CTDP1: variants seen among roughly 807,000 people sequenced by gnomAD.
The protein encoded by CTDP1 is RNA polymerase II subunit A C-terminal domain phosphatase.
In CTDP1, 47 loss-of-function variants were observed where a neutral mutation model predicts 91.8. That is an observed-to-expected ratio of 0.51 (90% confidence interval 0.41 to 0.65). CTDP1 has a LOEUF of 0.65. Among genes scored for constraint, CTDP1 ranks in the 30% least tolerant of loss-of-function variants. CTDP1 has a pLI of 0.00. For synonymous variants in CTDP1, 656 were observed against 598.5 expected (o/e 1.10, Z -1.40); for missense variants, 1,272 against 1,373.7 (o/e 0.93, Z 1.17).
chr18:79,723,472 A>G (rs928209339), intron 10 of CTDP1, among the ~76,000 whole-genome samples: 5 of 152,070 alleles, frequency 3.3e-5, no homozygotes, highest in Non-Finnish European at 7.3e-5. Flanking sequence ...TCCTCATCTA[A>G]GTCTTTGAAC....
chr18:79,681,570 G>A, intron 1 of CTDP1: 1 of 895,784 alleles, frequency 1.1e-6, no homozygotes, highest in Non-Finnish European at 1.3e-6. Flanking sequence ...TGTTCAGTCA[G>A]TCTAGTGAAT....
At chr18:79,710,525 T>C (rs1399695594) in intron 6 of CTDP1, 89 bp downstream of exon 6, 1 of 1,032,198 alleles carries the variant, frequency 9.7e-7, no homozygotes, top group Non-Finnish European at 1.5e-6. Context: ...CAGTATTTCT[T>C]TTTTTCTTTT....
In CTDP1 at chr18:79,712,739, G is replaced by GAT. The variant is rs558589719; in HGVS notation, c.864-232_864-231insTA. ...TAAAATAGTGACTCTGGCGCTTTAA[G>GAT]AAACAGTTTGGGAACTCCTGCCTGA... On this transcript the variant is annotated intron_variant, in intron 6 of 12. Coordinates refer to ENST00000613122, the MANE Select transcript of CTDP1 (RefSeq NM_004715.5). 5.0e-4 allele frequency among the ~76,000 whole-genome samples: 76 copies of GAT among 152,278 alleles called. 1 individual carries two copies. The highest frequency in any genetic ancestry group is 3.4e-3 in the Middle Eastern group (1 of 294).
chr18:79,711,825 C>A lies in CTDP1; in HGVS notation c.864-1147C>A, dbSNP rs148036396. ...CCCTCCGCAAAGACTTTTTAATATT[C>A]TTTTATATGCTTTGACGTTTCTTGC... On this transcript the variant is annotated intron_variant, in intron 6 of 12. Transcript: ENST00000613122. Among the ~76,000 whole-genome samples the A allele has an allele frequency of 1.6e-3, 242 of 152,280 alleles. 1 individual carries two copies. Among genetic ancestry groups the A allele is most frequent in the Non-Finnish European group, 3.0e-3 (202 of 68,028 alleles).
chr18:79,741,127 A>AGTCCCCGAG (rs926921645), intron 12 of CTDP1, among the ~76,000 whole-genome samples: 1 of 144,228 alleles, frequency 6.9e-6, no homozygotes, highest in African/African-American at 2.7e-5. Flanking sequence ...TCTGTCCCTG[A>AGTCCCCGAG]GTCCCCGAGG....
At chr18:79,681,036 G>A (rs539023848) in intron 1 of CTDP1, 5 of 152,430 alleles carry the variant, frequency 3.3e-5, no homozygotes, top group Non-Finnish European at 5.9e-5. Context: ...GCCCGCAGTG[G>A]GCCGGGCGTG....
At chr18:79,710,686 A>ATT (rs11306504) in intron 6 of CTDP1, among the ~76,000 whole-genome samples, 135 of 88,490 alleles carry the variant, frequency 1.5e-3, no homozygotes, top group East Asian at 3.8e-3. Flanking sequence ...TCGCCCGGCA[A>ATT]TTTTTTTTTT....
At chr18:79,689,221 C>T (rs1204665280) in intron 1 of CTDP1, among the ~76,000 whole-genome samples, 1 of 152,124 alleles carries the variant, frequency 6.6e-6, no homozygotes, top group Non-Finnish European at 1.5e-5. Context: ...TCAGTTAGAT[C>T]GCAGCTGTGC....
chr18:79,710,312 GGT>G (rs1568190365), intron 5 of CTDP1, 32 bp from the exon 6 acceptor site: 1 of 1,547,174 alleles, frequency 6.5e-7, no homozygotes, highest in Non-Finnish European at 8.9e-7. Context: ...ACGTGTCTCA[GGT>G]ATGTAATCTT....
Position 79,713,243 on chromosome 18 carries a change from CT to C in CTDP1, c.1030+112del. 6.8e-6 allele frequency: 8 copies of C among 1,175,348 alleles called. No homozygotes were observed. Among genetic ancestry groups the C allele is most frequent in the African/African-American group, 1.5e-5 (1 of 65,168 alleles). The allele number at this position is 1,175,348 out of a possible 1,614,324, so 72.8% of individuals were successfully genotyped here. ...TTGACTGCTATAAATTCAAGATACA[CT>C]TTTTTTATTTGTGTTTCAGTAGAGA... On this transcript the variant is annotated intron_variant, in intron 7 of 12. Transcript: ENST00000613122. This position sits in a 1 kb window ranked among gnomAD's most constrained non-coding sequence, Gnocchi z 4.7.
chr18:79,715,515 C>G lies in CTDP1; in HGVS notation c.2055C>G (p.Ile685Met), dbSNP rs1357182128. ...PDAPDRATHL[I>M]AARAGTEKVL... ...CCCCTGACAGGGCCACGCACCTGAT[C>G]GCCGCGCGAGCTGGTGAGTGCTGCC... is the stretch of plus-strand genomic sequence containing the variant. Residue 685 changes from isoleucine (I) to methionine (M), a missense_variant, in exon 8 of 13, where the codon ATC becomes ATG. Physicochemically the swap from Ile to Met is conservative, Grantham distance 10 (BLOSUM62 1). Around this residue, in one of 3 missense-constraint regions of CTDP1, gnomAD observed 881 missense variants for 911.6 expected, o/e 0.97. Transcript: ENST00000613122. 7 of 1,555,372 alleles carry G rather than the reference C, an allele frequency of 4.5e-6. No individual in the cohort carries two copies. The South Asian group carries it at 4.7e-5, about 10-fold the overall frequency.
At chr18:79,693,685 G>A (rs1224139886) in intron 1 of CTDP1, among the ~76,000 whole-genome samples, 1 of 152,102 alleles carries the variant, frequency 6.6e-6, no homozygotes, top group Non-Finnish European at 1.5e-5. Context: ...CTCCATCCCC[G>A]AGGGCTCGGA....
chr18:79,713,231 A>G lies in CTDP1; in HGVS notation c.1030+93A>G. ...CTTATCTCTGTTTTGACTGCTATAA[A>G]TTCAAGATACACTTTTTTTATTTGT... On this transcript the variant is annotated intron_variant, in intron 7 of 12. Transcript: ENST00000613122. This position sits in a 1 kb window ranked among gnomAD's most constrained non-coding sequence, Gnocchi z 4.7. 8.0e-6 allele frequency: 10 copies of G among 1,257,010 alleles called. No individual in the cohort carries two copies. Among genetic ancestry groups the G allele is most frequent in the Non-Finnish European group, 1.1e-5 (10 of 883,208 alleles). 77.9% of individuals were successfully genotyped at this position (1,257,010 alleles called of 1,614,324 possible).
intron 10 of CTDP1, among the ~76,000 whole-genome samples, chr18:79,719,730 T>A (rs1201868199): frequency 6.8e-6 from 1 of 146,156 alleles, no homozygotes; most frequent in Non-Finnish European, 1.5e-5. Flanking sequence ...GGTGATGATG[T>A]CACCTCCCAT....
At chr18:79,711,210 G>A (rs961988866) in intron 6 of CTDP1, among the ~76,000 whole-genome samples, 6 of 152,120 alleles carry the variant, frequency 3.9e-5, no homozygotes, top group African/African-American at 7.2e-5. Context: ...ATGTCAGCCC[G>A]CCACCTGACG....
At position 79,731,031 on chromosome 18, in the gene CTDP1, C is replaced by G. The variant is rs2086555220; in HGVS notation, c.2580+1962C>G. ...TTGGGGCAGATGAGGCAGCTTCACC[C>G]CAGATAAGCCTGTCTCTCGGGCCCA... On this transcript the variant is annotated intron_variant, in intron 11 of 12. Coordinates refer to ENST00000613122, the MANE Select transcript of CTDP1 (RefSeq NM_004715.5). Among the ~76,000 whole-genome samples, 3 of 152,322 alleles carry G rather than the reference C, an allele frequency of 2.0e-5. No homozygotes were observed. In the South Asian group the frequency reaches 6.2e-4, roughly 32 times the overall value.
At chr18:79,736,573 ACT>A in intron 12 of CTDP1, 52 bp downstream of exon 12, 2 of 1,470,982 alleles carry the variant, frequency 1.4e-6, no homozygotes, top group Non-Finnish European at 1.8e-6. Flanking sequence ...CCCGGAGGTG[ACT>A]CTGCAGTTGG....
At chr18:79,732,051 CAT>C (rs1427373888) in intron 11 of CTDP1, among the ~76,000 whole-genome samples, 1 of 147,832 alleles carries the variant, frequency 6.8e-6, no homozygotes, top group African/African-American at 2.6e-5. Flanking sequence ...ATCACATAGA[CAT>C]GAGAACTCGC....
chr18:79,717,860 C>T lies in CTDP1; in HGVS notation c.2261C>T (p.Ala754Val). The T allele has an allele frequency of 4.3e-6, 7 of 1,613,694 alleles. No homozygotes were observed. The highest frequency in any genetic ancestry group is 5.9e-6 in the Non-Finnish European group (7 of 1,180,006). ...GACCGGGAGGGTGTGCCCCCCACCG[C>T]CTTGTTCCACCCGATGCCGGTTCTT... ...FPDREGVPPT[A>V]LFHPMPVLPK... The change falls in exon 10 of 13, where the codon GCC (alanine) becomes GTC (valine). Residue 754 changes from alanine (A) to valine (V), a missense_variant. By Grantham distance (64) the Ala-to-Val change is moderately conservative. Around this residue, in one of 3 missense-constraint regions of CTDP1, gnomAD observed 881 missense variants for 911.6 expected, o/e 0.97. Transcript: ENST00000613122.
Sources: allele counts gnomAD v4.1 joint callset (sites outside exome capture counted in the v4.1 genomes callset), GRCh38; gene constraint gnomAD v4.1.1; regional missense constraint gnomAD v4.1.1; non-coding constraint Gnocchi (gnomAD v3.1); transcripts MANE v1.5; gene names NCBI Gene and HGNC (gene_info 2026-07-23, HGNC 2026-07-21).